The following CNTNAP2 variants were observed in gnomAD, a reference collection of about 807,000 sequenced individuals.
CNTNAP2 encodes the protein contactin associated protein 2, also known as contactin-associated protein-like 2.
A neutral mutation model predicts 155.2 loss-of-function variants in CNTNAP2; 98 were observed. That is an observed-to-expected ratio of 0.63 (90% CI 0.54 to 0.75). CNTNAP2 has a LOEUF of 0.75. Among genes scored for constraint, CNTNAP2 ranks in the 30% least tolerant of loss-of-function variants. The pLI is 0.00. For missense variants in CNTNAP2, 1,727 were observed against 1,688.1 expected, an observed-to-expected ratio of 1.02 and a Z score of -0.40; for synonymous variants, 651 against 631.2, an observed-to-expected ratio of 1.03 and a Z score of -0.47.
chr7:147,315,328 A>C (rs567109020), intron 9 of CNTNAP2, among the ~76,000 whole-genome samples: 25 of 151,022 alleles, frequency 1.7e-4, no homozygotes, highest in African/African-American at 5.8e-4. Flanking sequence ...TATCACCACA[A>C]TCTAATTTTC....
At chr7:146,526,972 T>C (rs1797700241) in intron 1 of CNTNAP2, among the ~76,000 whole-genome samples, 1 of 152,088 alleles carries the variant, frequency 6.6e-6, no homozygotes, top group South Asian at 2.1e-4. Context: ...CAGGCTGGTC[T>C]CAAATTCCTA....
chr7:148,256,646 A>T (rs1796459334), intron 20 of CNTNAP2, among the ~76,000 whole-genome samples: 1 of 152,138 alleles, frequency 6.6e-6, no homozygotes, highest in Admixed American at 6.5e-5. Context: ...CAGTCAGGTG[A>T]TTCGGGTTTG....
chr7:147,577,831 G>T (rs996444584), intron 12 of CNTNAP2, among the ~76,000 whole-genome samples: 23 of 151,952 alleles, frequency 1.5e-4, no homozygotes, highest in South Asian at 4.1e-4. Context: ...TTCTCTCTTG[G>T]TATCGTGTTG....
intron 9 of CNTNAP2, among the ~76,000 whole-genome samples, chr7:147,310,637 T>A (rs761240559): frequency 3.6e-4 from 55 of 152,328 alleles, no homozygotes; most frequent in Admixed American, 2.8e-3. Flanking sequence ...TAAATAAGTC[T>A]ACAGTTTATC....
intron 13 of CNTNAP2, among the ~76,000 whole-genome samples, chr7:147,733,364 G>A (rs1347927201): frequency 1.3e-5 from 2 of 152,162 alleles, no homozygotes; most frequent in African/African-American, 4.8e-5. Flanking sequence ...ACTCTGTTTT[G>A]TTCCCTTGGT....
intron 8 of CNTNAP2, among the ~76,000 whole-genome samples, chr7:147,268,888 T>C (rs940342883): frequency 5.3e-5 from 8 of 152,214 alleles, no homozygotes; most frequent in African/African-American, 1.7e-4. Flanking sequence ...GAAAGCTTTA[T>C]ACAAATTGGA....
intron 8 of CNTNAP2, among the ~76,000 whole-genome samples, chr7:147,163,408 G>T (rs1371271200): frequency 3.3e-5 from 5 of 151,952 alleles, no homozygotes; most frequent in African/African-American, 1.2e-4. Flanking sequence ...ATTTTTAATT[G>T]TTTCAGTGAA....
At chr7:147,113,654 C>T (rs1800928891) in intron 5 of CNTNAP2, among the ~76,000 whole-genome samples, 3 of 152,102 alleles carry the variant, frequency 2.0e-5, no homozygotes, top group South Asian at 2.1e-4. Context: ...GCAAGGGGAA[C>T]CACCCCCATG....
chr7:147,801,924 C>A (rs1797997285), intron 13 of CNTNAP2, among the ~76,000 whole-genome samples: 1 of 151,360 alleles, frequency 6.6e-6, no homozygotes, highest in Non-Finnish European at 1.5e-5. Context: ...CCCCTCACCT[C>A]CTGGACGGGG....
At chr7:146,945,696 C>T (rs901260338) in intron 3 of CNTNAP2, among the ~76,000 whole-genome samples, 2 of 152,094 alleles carry the variant, frequency 1.3e-5, no homozygotes, top group South Asian at 4.1e-4. Context: ...GTTCTTGTCT[C>T]GAAGGGCTTT....
intron 8 of CNTNAP2, among the ~76,000 whole-genome samples, chr7:147,226,946 TA>T (rs1158103861): frequency 9.9e-5 from 15 of 152,192 alleles, no homozygotes; most frequent in Admixed American, 6.5e-5. Context: ...TCACTGAGCT[TA>T]TATTTTGGTG....
chr7:146,461,335 G>A (rs1796633067), intron 1 of CNTNAP2, among the ~76,000 whole-genome samples: 1 of 151,764 alleles, frequency 6.6e-6, no homozygotes, highest in South Asian at 2.1e-4. Flanking sequence ...AACCCGGGAG[G>A]TGGAGCTTGC....
chr7:146,519,476 G>T (rs1797587216), intron 1 of CNTNAP2, among the ~76,000 whole-genome samples: 1 of 151,860 alleles, frequency 6.6e-6, no homozygotes, highest in Non-Finnish European at 1.5e-5. Flanking sequence ...TGGTCTAAAA[G>T]TAAAACCATA....
At chr7:147,457,038 G>C (rs1353504010) in intron 10 of CNTNAP2, among the ~76,000 whole-genome samples, 1 of 152,176 alleles carries the variant, frequency 6.6e-6, no homozygotes, top group East Asian at 1.9e-4. Context: ...AAGTAGTCAG[G>C]CCTTCGATAT....
chr7:146,708,586 T>TG (rs1801007140), intron 1 of CNTNAP2, among the ~76,000 whole-genome samples: 1 of 107,992 alleles, frequency 9.3e-6, no homozygotes, highest in Non-Finnish European at 1.9e-5. Context: ...AAAAAAAAAG[T>TG]GATTTTTTTT....
intron 15 of CNTNAP2, among the ~76,000 whole-genome samples, chr7:148,054,612 G>T (rs141153816): frequency 6.6e-6 from 1 of 151,956 alleles, no homozygotes; most frequent in East Asian, 1.9e-4. Context: ...CTACAACTTC[G>T]CCAGAGTGCA....
Position 146,246,960 on chromosome 7 carries a change from T to C in CNTNAP2, c.97+129987T>C, listed in dbSNP as rs184880421. 6.3e-3 allele frequency among the ~76,000 whole-genome samples: 957 copies of C among 152,302 alleles called. 9 individuals are homozygous for C. Among genetic ancestry groups the C allele is most frequent in the East Asian group, 0.028 (147 of 5,170 alleles). ...TTTGTCTCACAGTGGAGGCAAGGAA[T>C]TGCAACTTTTTTCTATTATTGTACA... On this transcript the variant is annotated intron_variant, in intron 1 of 23. Transcript: ENST00000361727.
At chr7:147,852,822 C>A (rs986100238) in intron 13 of CNTNAP2, among the ~76,000 whole-genome samples, 1 of 152,124 alleles carries the variant, frequency 6.6e-6, no homozygotes, top group African/African-American at 2.4e-5. Flanking sequence ...GACTACGGAT[C>A]CTCTGCTGGT....
chr7:146,699,454 A>G (rs957662250), intron 1 of CNTNAP2, among the ~76,000 whole-genome samples: 3 of 152,122 alleles, frequency 2.0e-5, no homozygotes, highest in Admixed American at 6.6e-5. Context: ...GGCATTCTAC[A>G]GTCTCATAAT....
Sources: allele counts gnomAD v4.1 joint callset (sites outside exome capture counted in the v4.1 genomes callset), GRCh38; gene constraint gnomAD v4.1.1; transcripts MANE v1.5; gene names NCBI Gene and HGNC (gene_info 2026-07-23, HGNC 2026-07-21).